CSGALNACT1: variants seen among roughly 807,000 people sequenced by gnomAD.
The protein encoded by CSGALNACT1 is chondroitin sulfate N-acetylgalactosaminyltransferase 1, also known as beta4GalNAcT-1.
Under a neutral mutation model 51.0 loss-of-function variants are expected in CSGALNACT1, and 52 were observed. The ratio of observed to expected loss-of-function variants is 1.02; its 90% CI spans 0.82 to 1.29. The LOEUF (loss-of-function observed/expected upper bound fraction) is 1.29, where lower values mean the gene tolerates loss of function less well. CSGALNACT1 is among the 50% of genes most tolerant of loss of function. CSGALNACT1 has a pLI of 0.00. For synonymous variants in CSGALNACT1, 341 were observed against 254.4 expected (o/e 1.34, Z -3.24); for missense variants, 935 against 679.2 (o/e 1.38, Z -4.19).
chr8:19,509,127 A>T (rs570505073), intron 3 of CSGALNACT1, among the ~76,000 whole-genome samples: 17 of 152,362 alleles, frequency 1.1e-4, no homozygotes, highest in African/African-American at 3.8e-4. Flanking sequence ...TGTCGGAAAC[A>T]AAATTCCATT....
intron 1 of CSGALNACT1, among the ~76,000 whole-genome samples, chr8:19,614,029 A>G (rs2052656525): frequency 6.6e-6 from 1 of 152,188 alleles, no homozygotes; most frequent in African/African-American, 2.4e-5. Context: ...AAAGTTAACA[A>G]GTTTCATTGT....
At chr8:19,405,243 C>T in exon 10 of CSGALNACT1, 1 of 453,318 alleles carries the variant, frequency 2.2e-6, no homozygotes, top group South Asian at 1.6e-5. Flanking sequence ...GAAAATATGA[C>T]ACGATATTTA....
intron 1 of CSGALNACT1, among the ~76,000 whole-genome samples, chr8:19,642,678 C>T (rs982449551): frequency 4.0e-5 from 6 of 151,684 alleles, no homozygotes; most frequent in African/African-American, 1.2e-4. Flanking sequence ...CCCAGCTACT[C>T]GGGAGGCTGA....
At position 19,754,024 on chromosome 8, in the gene CSGALNACT1, G is replaced by A. The variant is rs2065204537; in HGVS notation, c.-297+3826C>T. ...GTGATAAAACACTTTTTAAAGGTGA[G>A]ATTCAATGTGGCTCCATTTTCTTTT... On this transcript the variant is annotated intron_variant, in intron 1 of 1. Transcript: ENST00000517494. 2.1e-5 allele frequency among the ~76,000 whole-genome samples: 3 copies of A among 143,870 alleles called. No individual in the cohort carries two copies. The South Asian group carries it at 6.8e-4, about 32-fold the overall frequency. The allele number at this position is 143,870 out of a possible 152,430, so 94.4% of individuals were successfully genotyped here.
chr8:19,725,005 T>C (rs538207215), intron 1 of CSGALNACT1, among the ~76,000 whole-genome samples: 56 of 152,326 alleles, frequency 3.7e-4, no homozygotes, highest in African/African-American at 1.2e-3. Context: ...CCTGGCTTCA[T>C]TGTGGCTGTC....
At chr8:19,607,621 A>G (rs577079074) in intron 1 of CSGALNACT1, among the ~76,000 whole-genome samples, 145 of 152,358 alleles carry the variant, frequency 9.5e-4, no homozygotes, top group African/African-American at 3.4e-3. Flanking sequence ...AGCTGGTGCT[A>G]GATGCCATCA....
At chr8:19,467,104 A>G (rs2153836312) in intron 4 of CSGALNACT1, among the ~76,000 whole-genome samples, 2 of 141,142 alleles carry the variant, frequency 1.4e-5, no homozygotes, top group East Asian at 2.1e-4. Context: ...TGGTACTAGC[A>G]GCTGACTTTT....
At chr8:19,475,178 A>G (rs6586838) in intron 4 of CSGALNACT1, among the ~76,000 whole-genome samples, 118,773 of 152,056 alleles carry the variant, frequency 0.78, 46,653 homozygotes, top group East Asian at 0.88. Flanking sequence ...AGGCCACTTG[A>G]CCAGAGTGTA....
At chr8:19,601,740 G>T (rs866707520) in intron 2 of CSGALNACT1, 31 bp downstream of exon 2, 3 of 446,514 alleles carry the variant, frequency 6.7e-6, no homozygotes, top group Non-Finnish European at 1.3e-5. Flanking sequence ...CCATGCAAAG[G>T]TTTGTTTCTT....
chr8:19,427,967 G>A (rs550340612), intron 6 of CSGALNACT1, among the ~76,000 whole-genome samples: 1 of 152,178 alleles, frequency 6.6e-6, no homozygotes, highest in African/African-American at 2.4e-5. Flanking sequence ...CATCGTAGGT[G>A]TAGGATAAGA....
intron 6 of CSGALNACT1, among the ~76,000 whole-genome samples, chr8:19,430,341 A>C (rs1441887915): frequency 6.6e-6 from 1 of 152,178 alleles, no homozygotes; most frequent in Non-Finnish European, 1.5e-5. Flanking sequence ...CTTACATTTA[A>C]GTCGTTGATC....
At chr8:19,722,504 G>A (rs1317502621) in intron 1 of CSGALNACT1, among the ~76,000 whole-genome samples, 1 of 152,208 alleles carries the variant, frequency 6.6e-6, no homozygotes, top group East Asian at 1.9e-4. Context: ...TCAGAGCCAA[G>A]ATGCAAATCC....
chr8:19,474,800 G>C (rs1470539803), intron 4 of CSGALNACT1, among the ~76,000 whole-genome samples: 1 of 148,794 alleles, frequency 6.7e-6, no homozygotes, highest in Non-Finnish European at 1.5e-5. Context: ...CTGGGAGGCG[G>C]AGGTTGCAGT....
At chr8:19,562,102 C>T in intron 3 of CSGALNACT1, among the ~76,000 whole-genome samples, 1 of 152,170 alleles carries the variant, frequency 6.6e-6, no homozygotes, top group East Asian at 1.9e-4. Context: ...CTGCTGTGGT[C>T]CCACTCTGAG....
intron 4 of CSGALNACT1, among the ~76,000 whole-genome samples, chr8:19,487,913 CTG>C: frequency 2.6e-5 from 4 of 151,864 alleles, no homozygotes; most frequent in African/African-American, 9.7e-5. Flanking sequence ...GCTAAAAAAA[CTG>C]TGAAGTGATA....
intron 1 of CSGALNACT1, among the ~76,000 whole-genome samples, chr8:19,663,146 T>C (rs545647450): frequency 2.0e-5 from 3 of 152,152 alleles, no homozygotes; most frequent in African/African-American, 7.2e-5. Flanking sequence ...GTCATGCCAC[T>C]CTGCCTCTAC....
At chr8:19,631,651 T>C (rs2055276873) in intron 1 of CSGALNACT1, among the ~76,000 whole-genome samples, 1 of 152,198 alleles carries the variant, frequency 6.6e-6, no homozygotes, top group African/African-American at 2.4e-5. Context: ...CAAGTCAAAA[T>C]GTGTCCCTTC....
intron 5 of CSGALNACT1, chr8:19,457,926 A>T (rs2064467794): frequency 1.4e-6 from 1 of 695,384 alleles, no homozygotes; most frequent in African/African-American, 1.8e-5. Context: ...GGTTACAATA[A>T]AAGATAGATT....
chr8:19,414,992 T>G (rs1325280243), intron 8 of CSGALNACT1, among the ~76,000 whole-genome samples: 5 of 152,214 alleles, frequency 3.3e-5, no homozygotes, highest in Admixed American at 3.3e-4. Flanking sequence ...CTCCATTCTA[T>G]TACTTTCTAT....
Sources: allele counts gnomAD v4.1 joint callset (sites outside exome capture counted in the v4.1 genomes callset), GRCh38; gene constraint gnomAD v4.1.1; transcripts MANE v1.5; gene names NCBI Gene and HGNC (gene_info 2026-07-23, HGNC 2026-07-21).